The following LARGE1 variants were observed in gnomAD, a reference collection of about 807,000 sequenced individuals.
The protein encoded by LARGE1 is xylosyl- and glucuronyltransferase LARGE1.
A neutral mutation model predicts 87.6 loss-of-function variants in LARGE1; 43 were observed. That is an observed-to-expected ratio of 0.49 (90% CI 0.38 to 0.63). The LOEUF is 0.63. Ranked by LOEUF, LARGE1 falls within the 30% of genes least tolerant of loss-of-function variation. LARGE1 has a pLI of 0.00. For missense variants in LARGE1, 802 were observed against 1,000.2 expected, an observed-to-expected ratio of 0.80 and a Z score of 2.67; for synonymous variants, 434 against 394.6, an observed-to-expected ratio of 1.10 and a Z score of -1.18.
intron 1 of LARGE1, among the ~76,000 whole-genome samples, chr22:33,822,953 C>A (rs899627790): frequency 1.3e-5 from 2 of 152,144 alleles, no homozygotes; most frequent in African/African-American, 4.8e-5. Flanking sequence ...CTATGACACT[C>A]CAGCTAGTGG....
chr22:33,467,697 T>C, intron 6 of LARGE1, among the ~76,000 whole-genome samples: 1 of 152,148 alleles, frequency 6.6e-6, no homozygotes, highest in African/African-American at 2.4e-5. Context: ...CAAATGGCAT[T>C]TAGTGAGACA....
chr22:33,139,492 T>C, the LARGE1 span, among the ~76,000 whole-genome samples: 1 of 152,130 alleles, frequency 6.6e-6, no homozygotes, highest in Non-Finnish European at 1.5e-5. Flanking sequence ...TTTTTTTCCT[T>C]CTTAGGATCA....
In LARGE1 at chr22:33,427,966, G is replaced by A. The variant is rs78724529; in HGVS notation, c.892+4195C>T. Among the ~76,000 whole-genome samples the A allele has an allele frequency of 1.8e-4, 27 of 152,282 alleles. 1 individual carries two copies. The East Asian group carries it at 4.6e-3, about 26-fold the overall frequency. The stretch of plus-strand genomic sequence containing the variant: ...AAACACAGCGAGGAAGCTGATATGC[G>A]AACTAAATAGTCATTTTTTTTCCTA... On this transcript the variant is annotated intron_variant, in intron 7 of 14. Transcript: ENST00000397394.
intron 1 of LARGE1, among the ~76,000 whole-genome samples, chr22:33,809,315 C>T (rs995174483): frequency 6.6e-6 from 1 of 152,146 alleles, no homozygotes; most frequent in Non-Finnish European, 1.5e-5. Context: ...TCCCTAGCCT[C>T]CTGCACTTTT....
chr22:33,316,963 C>T (rs1162670026), intron 10 of LARGE1, among the ~76,000 whole-genome samples: 3 of 152,202 alleles, frequency 2.0e-5, no homozygotes, highest in Admixed American at 6.5e-5. Context: ...CCTGTAATCC[C>T]GGCACTTTGG....
At chr22:33,666,627 A>G (rs1010438866) in intron 2 of LARGE1, among the ~76,000 whole-genome samples, 6 of 152,214 alleles carry the variant, frequency 3.9e-5, no homozygotes, top group African/African-American at 1.4e-4. Flanking sequence ...TGCCAGGCTC[A>G]GGTCAGACAG....
intron 11 of LARGE1, among the ~76,000 whole-genome samples, chr22:33,192,490 GTTC>G (rs990453188): frequency 2.0e-5 from 3 of 151,882 alleles, no homozygotes; most frequent in Admixed American, 2.0e-4. Context: ...TGTCTTTTCA[GTTC>G]TTCTCCCCTT....
At chr22:33,156,987 G>A in the LARGE1 span, among the ~76,000 whole-genome samples, 1 of 152,302 alleles carries the variant, frequency 6.6e-6, no homozygotes, top group African/African-American at 2.4e-5. Flanking sequence ...CTGCCACCAT[G>A]TGAGACACGC....
chr22:33,796,699 A>C (rs1413849815), intron 1 of LARGE1, among the ~76,000 whole-genome samples: 2 of 152,042 alleles, frequency 1.3e-5, no homozygotes. Context: ...TGGAAAATGC[A>C]AAGAAACAGA....
At chr22:33,364,380 T>C (rs1304637849) in intron 9 of LARGE1, among the ~76,000 whole-genome samples, 1 of 152,004 alleles carries the variant, frequency 6.6e-6, no homozygotes, top group East Asian at 1.9e-4. Flanking sequence ...TTTCTCCGCT[T>C]CCTCCCATCT....
chr22:33,181,290 A>G (rs1018558636), intron 11 of LARGE1, among the ~76,000 whole-genome samples: 1 of 152,150 alleles, frequency 6.6e-6, no homozygotes, highest in African/African-American at 2.4e-5. Context: ...TTAAAGATAC[A>G]TGATTTTATG....
intron 1 of LARGE1, among the ~76,000 whole-genome samples, chr22:33,810,178 T>A (rs1277847604): frequency 6.6e-6 from 1 of 152,190 alleles, no homozygotes; most frequent in Non-Finnish European, 1.5e-5. Context: ...TATGTAACAA[T>A]CCTATAAAAT....
rs533159251 is a variant in LARGE1, at chr22:33,334,255, A to T, written c.1287+3391T>A. Among the ~76,000 whole-genome samples, 313 of 152,122 alleles carry T rather than the reference A, an allele frequency of 2.1e-3. 4 individuals carry two copies. The highest frequency in any genetic ancestry group is 1.0e-3 in the Non-Finnish European group (70 of 67,992). Reference sequence around the variant, plus strand: ...ATGGTGAAACCCTGTGTCTACTAAAAATACAAAAATTAGCTGGGCATGGTG... The same window carrying T: ...ATGGTGAAACCCTGTGTCTACTAAATATACAAAAATTAGCTGGGCATGGTG... On this transcript the variant is annotated intron_variant, in intron 10 of 14. Coordinates refer to ENST00000397394, the MANE Select transcript of LARGE1 (RefSeq NM_133642.5).
chr22:33,783,114 G>T (rs1011491077), intron 1 of LARGE1, among the ~76,000 whole-genome samples: 1 of 151,952 alleles, frequency 6.6e-6, no homozygotes, highest in African/African-American at 2.4e-5. Context: ...ATCATATAAA[G>T]GGCCAAAAGC....
chr22:33,848,334 G>A (rs1394418805), intron 1 of LARGE1, among the ~76,000 whole-genome samples: 1 of 152,148 alleles, frequency 6.6e-6, no homozygotes, highest in Non-Finnish European at 1.5e-5. Flanking sequence ...GAATGAAAAC[G>A]AGGTGGTGGA....
At chr22:33,447,270 C>T (rs1009555798) in intron 6 of LARGE1, among the ~76,000 whole-genome samples, 4 of 152,334 alleles carry the variant, frequency 2.6e-5, no homozygotes, top group Admixed American at 1.3e-4. Context: ...AGGTGGAAAT[C>T]AAGCATTTAC....
the LARGE1 span, among the ~76,000 whole-genome samples, chr22:33,099,156 G>T: frequency 6.6e-6 from 1 of 152,136 alleles, no homozygotes; most frequent in Non-Finnish European, 1.5e-5. Context: ...GAGGAAAAAG[G>T]TTTTTTATCC....
the LARGE1 span, among the ~76,000 whole-genome samples, chr22:33,075,250 T>G: frequency 3.3e-5 from 5 of 152,158 alleles, no homozygotes; most frequent in Non-Finnish European, 7.4e-5. Flanking sequence ...GTGATAGAGT[T>G]GGAATCAAGT....
chr22:33,290,819 A>C (rs1252309082), intron 12 of LARGE1, among the ~76,000 whole-genome samples: 1 of 152,124 alleles, frequency 6.6e-6, no homozygotes, highest in African/African-American at 2.4e-5. Flanking sequence ...CGGGTGGATC[A>C]CCTGAGGTCA....
Sources: gnomAD v4.1 joint callset for allele counts (sites outside exome capture counted in the v4.1 genomes callset) on GRCh38, gnomAD v4.1.1 for gene constraint, MANE v1.5 for transcripts, NCBI Gene and HGNC (gene_info 2026-07-23, HGNC 2026-07-21) for gene names.